The following ASIC2 variants were observed in gnomAD, a reference collection of about 807,000 sequenced individuals.
ASIC2 encodes acid sensing ion channel subunit 2, also known as acid-sensing ion channel 2.
In ASIC2, 25 loss-of-function variants were observed where a neutral mutation model predicts 57.3. The ratio of observed to expected loss-of-function variants is 0.44; its 90% CI spans 0.32 to 0.61. ASIC2 has a LOEUF of 0.61. Ranked by LOEUF, ASIC2 falls within the 20% of genes least tolerant of loss-of-function variation. The probability of loss-of-function intolerance (pLI) is 0.06; values close to 1 mark genes in which losing one functional copy is unlikely to be tolerated. For synonymous variants in ASIC2, 319 were observed against 307.5 expected (o/e 1.04, Z -0.39); for missense variants, 641 against 738.1 (o/e 0.87, Z 1.52).
At chr17:33,941,655 G>T (rs972121787) in intron 1 of ASIC2, among the ~76,000 whole-genome samples, 6 of 152,176 alleles carry the variant, frequency 3.9e-5, no homozygotes, top group African/African-American at 7.2e-5. Context: ...CCAGAGAGAG[G>T]CCAGCCCACA....
At chr17:33,831,692 C>T (rs1362054494) in intron 1 of ASIC2, among the ~76,000 whole-genome samples, 1 of 152,140 alleles carries the variant, frequency 6.6e-6, no homozygotes, top group African/African-American at 2.4e-5. Flanking sequence ...CTGAGCTCTG[C>T]ACGCATCCAC....
chr17:33,305,081 G>A (rs973927493), intron 1 of ASIC2, among the ~76,000 whole-genome samples: 2 of 152,114 alleles, frequency 1.3e-5, no homozygotes, highest in Non-Finnish European at 2.9e-5. Context: ...ACTATTAATA[G>A]CTTTAATTAA....
At chr17:33,568,558 A>G (rs1208954408) in intron 1 of ASIC2, among the ~76,000 whole-genome samples, 2 of 152,156 alleles carry the variant, frequency 1.3e-5, no homozygotes, top group Non-Finnish European at 2.9e-5. Context: ...AATCATCTTA[A>G]GTATGAAATG....
chr17:33,961,345 G>C (rs1235132168), intron 1 of ASIC2, among the ~76,000 whole-genome samples: 1 of 152,230 alleles, frequency 6.6e-6, no homozygotes, highest in Non-Finnish European at 1.5e-5. Flanking sequence ...AGGGATAACA[G>C]GGGCAGAAGA....
At chr17:33,640,774 T>G (rs1597817808) in intron 1 of ASIC2, among the ~76,000 whole-genome samples, 1 of 121,192 alleles carries the variant, frequency 8.3e-6, no homozygotes, top group Non-Finnish European at 2.0e-5. Context: ...TAGTTATCTC[T>G]AGAGTCCCTC....
chr17:33,484,647 C>T (rs1168509260), intron 1 of ASIC2, among the ~76,000 whole-genome samples: 3 of 152,170 alleles, frequency 2.0e-5, no homozygotes, highest in Admixed American at 6.5e-5. Context: ...TCAGCTCAGA[C>T]CAACTGAGGT....
intron 1 of ASIC2, among the ~76,000 whole-genome samples, chr17:33,561,092 G>C (rs1355424547): frequency 2.6e-5 from 4 of 152,110 alleles, no homozygotes; most frequent in Non-Finnish European, 5.9e-5. Context: ...AGAGAAAAGG[G>C]AGCATCGTTA....
At chr17:33,811,323 G>C (rs561991352) in intron 1 of ASIC2, among the ~76,000 whole-genome samples, 10 of 152,304 alleles carry the variant, frequency 6.6e-5, no homozygotes, top group African/African-American at 2.4e-4. Flanking sequence ...GCTCCCACGG[G>C]AGAAGATCAG....
intron 1 of ASIC2, among the ~76,000 whole-genome samples, chr17:33,478,298 G>A (rs1203015784): frequency 6.6e-6 from 1 of 152,238 alleles, no homozygotes; most frequent in Admixed American, 6.5e-5. Flanking sequence ...GCGCCCAGGG[G>A]CTAGGGGGCT....
At chr17:33,057,821 G>T (rs3025225) in intron 3 of ASIC2, among the ~76,000 whole-genome samples, 2,399 of 152,308 alleles carry the variant, frequency 0.016, 51 homozygotes, top group African/African-American at 0.053. Context: ...AACAGTCATA[G>T]AGTCATAGGC....
At chr17:33,225,087 C>T (rs1048575893) in intron 1 of ASIC2, among the ~76,000 whole-genome samples, 1 of 152,156 alleles carries the variant, frequency 6.6e-6, no homozygotes, top group African/African-American at 2.4e-5. Flanking sequence ...ATGAACAGGT[C>T]AGCCTTTTTG....
At chr17:33,385,887 A>T (rs769475660) in intron 1 of ASIC2, among the ~76,000 whole-genome samples, 2 of 152,326 alleles carry the variant, frequency 1.3e-5, no homozygotes, top group East Asian at 3.9e-4. Context: ...CCTGATGGAG[A>T]TAAGATAGTG....
intron 1 of ASIC2, among the ~76,000 whole-genome samples, chr17:33,404,189 G>A (rs981428909): frequency 5.3e-5 from 8 of 152,166 alleles, no homozygotes; most frequent in African/African-American, 1.9e-4. Context: ...TGGGGACTAG[G>A]AGTGACTGCA....
chr17:33,722,143 T>C (rs1051168952), intron 1 of ASIC2, among the ~76,000 whole-genome samples: 3 of 152,136 alleles, frequency 2.0e-5, no homozygotes, highest in South Asian at 2.1e-4. Flanking sequence ...AATTGAATCA[T>C]GGGGGTGGGA....
At chr17:33,097,451 C>T (rs558278662) in intron 2 of ASIC2, among the ~76,000 whole-genome samples, 1 of 152,332 alleles carries the variant, frequency 6.6e-6, no homozygotes, top group South Asian at 2.1e-4. Flanking sequence ...TGACTCACGG[C>T]TGCGTAGAAT....
At chr17:33,034,019 C>T (rs1396268381) in intron 3 of ASIC2, among the ~76,000 whole-genome samples, 1 of 152,060 alleles carries the variant, frequency 6.6e-6, no homozygotes, top group Non-Finnish European at 1.5e-5. Flanking sequence ...TGTACCCTCT[C>T]CACTGAGAGC....
At chr17:34,111,201 G>C (rs1394115603) in intron 1 of ASIC2, among the ~76,000 whole-genome samples, 1 of 150,794 alleles carries the variant, frequency 6.6e-6, no homozygotes, top group Non-Finnish European at 1.5e-5. Context: ...ACTCCAGCCT[G>C]GGCAACATAG....
intron 1 of ASIC2, among the ~76,000 whole-genome samples, chr17:34,141,701 T>C (rs769429455): frequency 2.0e-5 from 3 of 152,170 alleles, no homozygotes; most frequent in Admixed American, 6.5e-5. Flanking sequence ...ATGCTAAGCG[T>C]TGGTAAATTC....
At chr17:33,979,100 A>G (rs992913791) in intron 1 of ASIC2, among the ~76,000 whole-genome samples, 2 of 152,080 alleles carry the variant, frequency 1.3e-5, no homozygotes, top group African/African-American at 2.4e-5. Flanking sequence ...CCCCAAGTCT[A>G]TGACTCATGA....
Sources: allele counts gnomAD v4.1 joint callset (sites outside exome capture counted in the v4.1 genomes callset), GRCh38; gene constraint gnomAD v4.1.1; transcripts MANE v1.5; gene names NCBI Gene and HGNC (gene_info 2026-07-23, HGNC 2026-07-21).